Variants in ETS1 observed in about 807,000 individuals in gnomAD.
ETS1 encodes ETS proto-oncogene 1, transcription factor, also known as protein C-ets-1.
ETS1 carries 15 observed loss-of-function variants against 58.6 expected under a neutral mutation model. That is an observed-to-expected ratio of 0.26 (90% CI 0.17 to 0.39). The LOEUF is 0.39. ETS1 is among the 10% of genes least tolerant of loss of function. ETS1 has a pLI of 1.00. For missense variants in ETS1, 417 were observed against 610.5 expected (o/e 0.68, Z 3.34); for synonymous variants, 214 against 218.2 (o/e 0.98, Z 0.17).
chr11:128,560,414 A>T (rs1404407636), intron 2 of ETS1, among the ~76,000 whole-genome samples: 1 of 152,184 alleles, frequency 6.6e-6, no homozygotes, highest in Non-Finnish European at 1.5e-5. Flanking sequence ...CGCCCGGCCG[A>T]GATGGTCACT....
At chr11:128,553,024 T>C (rs1864256625) in intron 3 of ETS1, among the ~76,000 whole-genome samples, 1 of 151,048 alleles carries the variant, frequency 6.6e-6, no homozygotes, top group South Asian at 2.1e-4. Context: ...GCAGGGTCAG[T>C]GGCTCCACTC....
intron 8 of ETS1, among the ~76,000 whole-genome samples, chr11:128,474,824 C>A (rs1178453208): frequency 2.0e-5 from 3 of 152,188 alleles, no homozygotes; most frequent in Non-Finnish European, 4.4e-5. Flanking sequence ...AAAGGGAAGA[C>A]ACTCTGTTTC....
chr11:128,540,505 C>T (rs965380983), intron 3 of ETS1, among the ~76,000 whole-genome samples: 1 of 151,980 alleles, frequency 6.6e-6, no homozygotes, highest in Admixed American at 6.6e-5. Context: ...AGTTGGTTTT[C>T]TGGAGGTGAA....
chr11:128,491,166 T>A lies in ETS1; in HGVS notation c.215-590A>T, dbSNP rs1211601864. On this transcript the variant is annotated intron_variant, in intron 3 of 9. Coordinates refer to ENST00000392668, the MANE Select transcript of ETS1 (RefSeq NM_001143820.2). ...TATCTTTCACATTTACCGAGAATAT[T>A]AATGTTACTACATACTTTCAGTTAC... 4.6e-5 allele frequency among the ~76,000 whole-genome samples: 7 copies of A among 152,300 alleles called. No individual in the cohort carries two copies. The East Asian group carries it at 1.2e-3, about 25-fold the overall frequency.
chr11:128,492,248 A>G (rs1219028816), intron 3 of ETS1, among the ~76,000 whole-genome samples: 4 of 152,232 alleles, frequency 2.6e-5, no homozygotes, highest in Non-Finnish European at 4.4e-5. Context: ...GGACACAAAC[A>G]ATGTGTTATG....
chr11:128,584,977 A>AGAAAGAAAGAAAGGAAG (rs1864949541), intron 1 of ETS1, among the ~76,000 whole-genome samples: 1 of 18,382 alleles, frequency 5.4e-5, no homozygotes, highest in Non-Finnish European at 1.0e-4. Flanking sequence ...AAAGAAAGAA[A>AGAAAGAAAGAAAGGAAG]GAAAGAAAGA....
intron 3 of ETS1, chr11:128,522,384 C>T (rs1057452132): frequency 3.2e-5 from 32 of 984,924 alleles, no homozygotes; most frequent in East Asian, 2.2e-4. Context: ...GGCGCCGCGT[C>T]TCGGCCGCTG....
At chr11:128,568,432 C>T (rs1864551302) in intron 2 of ETS1, among the ~76,000 whole-genome samples, 1 of 152,200 alleles carries the variant, frequency 6.6e-6, no homozygotes, top group African/African-American at 2.4e-5. Flanking sequence ...CTTGCAGAGG[C>T]AGCATAACAG....
At chr11:128,514,196 A>G (rs1863463312) in intron 3 of ETS1, among the ~76,000 whole-genome samples, 1 of 152,144 alleles carries the variant, frequency 6.6e-6, no homozygotes, top group African/African-American at 2.4e-5. Flanking sequence ...GCTTATTCTG[A>G]TAAACTGATA....
chr11:128,488,499 G>T (rs973948402), intron 5 of ETS1, among the ~76,000 whole-genome samples: 2 of 152,142 alleles, frequency 1.3e-5, no homozygotes, highest in Non-Finnish European at 2.9e-5. Flanking sequence ...ACAGGGAAAG[G>T]ATGGGCCTGG....
chr11:128,503,407 A>G (rs1161535050), intron 3 of ETS1, among the ~76,000 whole-genome samples: 1 of 152,208 alleles, frequency 6.6e-6, no homozygotes, highest in Non-Finnish European at 1.5e-5. Flanking sequence ...CATCAACTTC[A>G]TAAGTGTGTC....
chr11:128,574,184 A>G (rs1864695137), intron 1 of ETS1, among the ~76,000 whole-genome samples: 1 of 152,248 alleles, frequency 6.6e-6, no homozygotes, highest in Non-Finnish European at 1.5e-5. Flanking sequence ...ATATAAAACT[A>G]TACTGCCTAA....
intron 8 of ETS1, among the ~76,000 whole-genome samples, chr11:128,466,838 A>G (rs747476961): frequency 6.6e-6 from 1 of 152,154 alleles, no homozygotes; most frequent in African/African-American, 2.4e-5. Flanking sequence ...ACCTAAAGAA[A>G]TAATGGGAAT....
At chr11:128,511,975 A>G (rs2135501491) in intron 3 of ETS1, among the ~76,000 whole-genome samples, 1 of 152,348 alleles carries the variant, frequency 6.6e-6, no homozygotes, top group African/African-American at 2.4e-5. Context: ...AAACTGTAAA[A>G]TGCTACCAGA....
chr11:128,543,927 A>G (rs1379768429), intron 3 of ETS1, among the ~76,000 whole-genome samples: 1 of 152,178 alleles, frequency 6.6e-6, no homozygotes, highest in Non-Finnish European at 1.5e-5. Context: ...CAGTGGATCT[A>G]AAAAACAGCT....
intron 6 of ETS1, 95 bp downstream of exon 6, chr11:128,485,974 T>A (rs889103022): frequency 1.4e-6 from 1 of 737,084 alleles, no homozygotes; most frequent in Non-Finnish European, 2.4e-6. Flanking sequence ...TTATTTTTGA[T>A]AGAATTACCA....
At chr11:128,565,936 T>C (rs1361036794) in intron 2 of ETS1, among the ~76,000 whole-genome samples, 1 of 152,158 alleles carries the variant, frequency 6.6e-6, no homozygotes, top group Non-Finnish European at 1.5e-5. Flanking sequence ...ATCCAATGAC[T>C]GGAGTCCGGA....
intron 3 of ETS1, among the ~76,000 whole-genome samples, chr11:128,506,543 G>A (rs1410402251): frequency 6.6e-6 from 1 of 152,154 alleles, no homozygotes; most frequent in Non-Finnish European, 1.5e-5. Context: ...ACTAGGGGAG[G>A]GGGTAGGAAG....
At chr11:128,526,956 G>A (rs1319509617) in intron 3 of ETS1, 1 of 456,172 alleles carries the variant, frequency 2.2e-6, no homozygotes, top group Non-Finnish European at 4.4e-6. Flanking sequence ...AAAAGTCAGT[G>A]TCAGTACTAG....
Sources: gnomAD v4.1 joint callset for allele counts (sites outside exome capture counted in the v4.1 genomes callset) on GRCh38, gnomAD v4.1.1 for gene constraint, MANE v1.5 for transcripts, NCBI Gene and HGNC (gene_info 2026-07-23, HGNC 2026-07-21) for gene names.